Variants in OR10R2 observed in about 807,000 individuals in gnomAD.
OR10R2 encodes olfactory receptor family 10 subfamily R member 2.
A neutral mutation model predicts 2.4 loss-of-function variants in OR10R2; 1 was observed. That is an observed-to-expected ratio of 0.41 (90% CI 0.15 to 1.95). The LOEUF (loss-of-function observed/expected upper bound fraction) is 1.95. Among genes scored for constraint, OR10R2 ranks in the 30% most tolerant of loss-of-function variants. The pLI is 0.30. For synonymous variants in OR10R2, 166 were observed against 144.8 expected (o/e 1.15, Z -1.05); for missense variants, 419 against 373.0 (o/e 1.12, Z -1.01).
chr1:158,472,612 T>C (rs1656185447), intron 1 of OR10R2, among the ~76,000 whole-genome samples: 1 of 152,218 alleles, frequency 6.6e-6, no homozygotes, highest in African/African-American at 2.4e-5. Context: ...TCTTAGGACA[T>C]ATTTATGTCA....
chr1:158,476,847 T>A (rs1418918146), intron 1 of OR10R2, among the ~76,000 whole-genome samples: 1 of 152,196 alleles, frequency 6.6e-6, no homozygotes, highest in African/African-American at 2.4e-5. Context: ...ATGAGCATTT[T>A]TCATAAGTTT....
chr1:158,479,994 C>G, exon 2 of OR10R2: 1 of 1,613,910 alleles, frequency 6.2e-7, no homozygotes. Flanking sequence ...GTTTTTCCAG[C>G]CTTGGTGAAA....
At chr1:158,477,787 A>G (rs368616032) in intron 1 of OR10R2, among the ~76,000 whole-genome samples, 3 of 152,326 alleles carry the variant, frequency 2.0e-5, no homozygotes, top group African/African-American at 7.2e-5. Context: ...ATTTTATCAG[A>G]ATTAGCAAAA....
chr1:158,472,454 C>T (rs1207672587), intron 1 of OR10R2, 102 bp downstream of exon 1: 1 of 397,874 alleles, frequency 2.5e-6, no homozygotes, highest in Non-Finnish European at 4.4e-6. Context: ...TAGATTTTTC[C>T]TTAAAGGGCC....
At chr1:158,476,851 T>A (rs1217160013) in intron 1 of OR10R2, among the ~76,000 whole-genome samples, 1 of 152,212 alleles carries the variant, frequency 6.6e-6, no homozygotes, top group Admixed American at 6.5e-5. Flanking sequence ...GCATTTTTCA[T>A]AAGTTTCATG....
chr1:158,476,211 G>A lies in OR10R2; in HGVS notation c.28-3727G>A, dbSNP rs1324299736. Among the ~76,000 whole-genome samples the A allele has an allele frequency of 3.9e-5, 6 of 152,074 alleles. No homozygotes were observed. The East Asian group carries it at 9.6e-4, about 24-fold the overall frequency. ...ATGATTTTATTGTTACTGATCAATGGTTTTGCTCAAATGTACAGACAGGTT... is the reference window on the plus strand; with the variant it reads ...ATGATTTTATTGTTACTGATCAATGATTTTGCTCAAATGTACAGACAGGTT... On this transcript the variant is annotated intron_variant, in intron 1 of 1. Transcript: ENST00000641067.
chr1:158,474,501 T>C (rs1656234351), intron 1 of OR10R2: 3 of 152,192 alleles, frequency 2.0e-5, no homozygotes, highest in Admixed American at 2.0e-4. Flanking sequence ...ATACAGATTC[T>C]CTTAAGATTC....
chr1:158,480,093 TA>T lies in OR10R2; in HGVS notation c.187del (p.Ser63AlafsTer64), dbSNP rs1157565685. ...CCATTATCAGTGTCATCCACCTGGA[TA>T]AAAGCCTCCACACACCAATGTACTT... On this transcript the variant is annotated frameshift_variant, in exon 2 of 2. Transcript: ENST00000641067. LOFTEE classifies it low-confidence loss of function (END_TRUNC). The T allele has an allele frequency of 2.5e-6, 4 of 1,613,792 alleles. No individual in the cohort carries two copies. The highest frequency in any genetic ancestry group is 3.3e-5 in the Admixed American group (2 of 59,974).
intron 1 of OR10R2, among the ~76,000 whole-genome samples, chr1:158,479,080 T>C (rs1305392631): frequency 1.3e-5 from 2 of 152,176 alleles, no homozygotes; most frequent in Non-Finnish European, 2.9e-5. Context: ...ATCAACAATC[T>C]TCAAAGAGCT....
At chr1:158,480,914 AAAT>A (rs748762805) in exon 2 of OR10R2, 11 of 1,033,156 alleles carry the variant, frequency 1.1e-5, no homozygotes, top group Non-Finnish European at 1.5e-5. Context: ...ATTTCTTAAT[AAAT>A]AATGCCTTTT....
exon 2 of OR10R2, chr1:158,480,158 C>A: frequency 6.2e-7 from 1 of 1,614,054 alleles, no homozygotes; most frequent in Non-Finnish European, 8.5e-7. Flanking sequence ...ACCTTCTACA[C>A]CTTTGTCATT....
exon 2 of OR10R2, chr1:158,480,802 G>T (rs748197127): frequency 1.9e-6 from 3 of 1,611,890 alleles, no homozygotes; most frequent in African/African-American, 1.3e-5. Context: ...AAACCCCATG[G>T]TTTATAGCCT....
chr1:158,479,048 T>G (rs557716391), intron 1 of OR10R2, among the ~76,000 whole-genome samples: 1 of 152,270 alleles, frequency 6.6e-6, no homozygotes, highest in Admixed American at 6.5e-5. Flanking sequence ...AGAATGCAAA[T>G]AATCAACTTA....
rs752306992 is a variant in OR10R2 at position 158,479,928 on chromosome 1, C to G, written c.28-10C>G. The stretch of plus-strand genomic sequence containing the variant: ...ACCTGAATATGTTTTACTTCTTTCC[C>G]CCTTTGCAGATCTTGGCAGAAAACC... On this transcript the variant is annotated splice_polypyrimidine_tract_variant and intron_variant, in intron 1 of 1. Coordinates refer to ENST00000641067, the Ensembl canonical transcript of OR10R2. 2.5e-6 allele frequency: 4 copies of G among 1,613,796 alleles called. No individual in the cohort carries two copies. The highest frequency in any genetic ancestry group is 3.4e-6 in the Non-Finnish European group (4 of 1,179,798).
At chr1:158,472,415 T>TG (rs1179137951) in intron 1 of OR10R2, 63 bp downstream of exon 1, 2 of 398,822 alleles carry the variant, frequency 5.0e-6, no homozygotes, top group Non-Finnish European at 8.9e-6. Context: ...TGTAATATAT[T>TG]GGGAATATGC....
chr1:158,477,915 G>A (rs958732749), intron 1 of OR10R2, among the ~76,000 whole-genome samples: 3 of 152,058 alleles, frequency 2.0e-5, no homozygotes, highest in African/African-American at 7.2e-5. Context: ...ATACTATAAC[G>A]TTACAGTAAC....
At chr1:158,473,619 A>G (rs779407089) in intron 1 of OR10R2, among the ~76,000 whole-genome samples, 131 of 152,366 alleles carry the variant, frequency 8.6e-4, no homozygotes, top group African/African-American at 2.8e-3. Context: ...AAGAAGTTCC[A>G]TAAGATTAAA....
At chr1:158,479,516 TG>T (rs767442205) in intron 1 of OR10R2, among the ~76,000 whole-genome samples, 4 of 152,224 alleles carry the variant, frequency 2.6e-5, no homozygotes, top group African/African-American at 4.8e-5. Flanking sequence ...TTAGATTTTT[TG>T]TTGCTTGTTG....
At chr1:158,476,630 A>G (rs1221462663) in intron 1 of OR10R2, among the ~76,000 whole-genome samples, 1 of 152,098 alleles carries the variant, frequency 6.6e-6, no homozygotes, top group African/African-American at 2.4e-5. Context: ...TTAAGTATAT[A>G]GGATAAATGT....
Sources: gnomAD v4.1 joint callset for allele counts (sites outside exome capture counted in the v4.1 genomes callset) on GRCh38, gnomAD v4.1.1 for gene constraint, MANE v1.5 for transcripts, NCBI Gene and HGNC (gene_info 2026-07-23, HGNC 2026-07-21) for gene names.